The following MDGA2 variants were observed in gnomAD, a reference collection of about 807,000 sequenced individuals.
The protein encoded by MDGA2 is MAM domain-containing glycosylphosphatidylinositol anchor protein 2.
A neutral mutation model predicts 117.8 loss-of-function variants in MDGA2; 40 were observed. The ratio of observed to expected loss-of-function variants is 0.34; its 90% CI spans 0.26 to 0.44. The LOEUF (loss-of-function observed/expected upper bound fraction) is 0.44, where lower values mean the gene tolerates loss of function less well. Ranked by LOEUF, MDGA2 falls within the 20% of genes least tolerant of loss-of-function variation. The pLI is 1.00. For synonymous variants in MDGA2, 452 were observed against 439.0 expected (o/e 1.03, Z -0.37); for missense variants, 1,123 against 1,250.6 (o/e 0.90, Z 1.54).
intron 2 of MDGA2, among the ~76,000 whole-genome samples, chr14:47,255,404 A>G (rs1191349473): frequency 6.6e-6 from 1 of 152,138 alleles, no homozygotes; most frequent in African/African-American, 2.4e-5. Flanking sequence ...AGGTGCTTTT[A>G]TGTAAGATAT....
chr14:47,255,247 A>T (rs1238047754), intron 2 of MDGA2, among the ~76,000 whole-genome samples: 1 of 152,222 alleles, frequency 6.6e-6, no homozygotes, highest in African/African-American at 2.4e-5. Context: ...ATTTTAGGCA[A>T]AGCGTGGTAG....
intron 7 of MDGA2, among the ~76,000 whole-genome samples, chr14:47,045,037 C>T (rs1889207491): frequency 6.6e-6 from 1 of 152,190 alleles, no homozygotes; most frequent in Non-Finnish European, 1.5e-5. Flanking sequence ...ACTTCCCTCA[C>T]CCAGCAGGTG....
chr14:47,462,814 A>C (rs1415299121), intron 1 of MDGA2, among the ~76,000 whole-genome samples: 1 of 152,222 alleles, frequency 6.6e-6, no homozygotes, highest in Non-Finnish European at 1.5e-5. Flanking sequence ...AAACTAAATA[A>C]TTATTTGGAC....
At chr14:46,872,043 A>C (rs1399938706) in intron 14 of MDGA2, 1 of 177,190 alleles carries the variant, frequency 5.6e-6, no homozygotes. Context: ...GCTTGTCAGT[A>C]TACTGTGAAG....
chr14:46,984,479 C>T (rs1886795083), intron 8 of MDGA2, among the ~76,000 whole-genome samples: 1 of 151,790 alleles, frequency 6.6e-6, no homozygotes, highest in Non-Finnish European at 1.5e-5. Context: ...AAAATAGATG[C>T]TTTCTGCTCA....
At chr14:47,448,053 T>C (rs1397091833) in intron 1 of MDGA2, among the ~76,000 whole-genome samples, 1 of 152,140 alleles carries the variant, frequency 6.6e-6, no homozygotes, top group African/African-American at 2.4e-5. Context: ...CCTCTTATTC[T>C]AGTGAGATGG....
chr14:47,231,569 C>T (rs1407856572), intron 2 of MDGA2, among the ~76,000 whole-genome samples: 2 of 152,012 alleles, frequency 1.3e-5, no homozygotes, highest in East Asian at 3.9e-4. Context: ...TTAAATTTTA[C>T]TCAGCCATTG....
intron 2 of MDGA2, among the ~76,000 whole-genome samples, chr14:47,248,678 A>C (rs2139632800): frequency 6.6e-6 from 1 of 152,302 alleles, no homozygotes; most frequent in African/African-American, 2.4e-5. Context: ...TTTTTAATAT[A>C]ATTTCTGAGC....
At chr14:46,901,865 A>G (rs1446139534) in intron 10 of MDGA2, among the ~76,000 whole-genome samples, 3 of 152,220 alleles carry the variant, frequency 2.0e-5, no homozygotes, top group Non-Finnish European at 4.4e-5. Flanking sequence ...CAAGTCTGAA[A>G]GTAAACTCAA....
intron 2 of MDGA2, among the ~76,000 whole-genome samples, chr14:47,229,521 A>T (rs1264053851): frequency 6.6e-6 from 1 of 152,100 alleles, no homozygotes; most frequent in Non-Finnish European, 1.5e-5. Flanking sequence ...CATTTTTAAA[A>T]TGTGAAGGCC....
intron 1 of MDGA2, among the ~76,000 whole-genome samples, chr14:47,594,439 C>T (rs1896498183): frequency 6.6e-6 from 1 of 152,184 alleles, no homozygotes; most frequent in Non-Finnish European, 1.5e-5. Context: ...AGCAAAGCTT[C>T]ATGTACAGAT....
chr14:47,128,388 C>G (rs1022729621), intron 5 of MDGA2, among the ~76,000 whole-genome samples: 5 of 151,844 alleles, frequency 3.3e-5, no homozygotes, highest in African/African-American at 9.7e-5. Context: ...TTTTTTTCTT[C>G]CTCATTCCAT....
At chr14:47,263,973 G>A (rs1219055776) in intron 2 of MDGA2, among the ~76,000 whole-genome samples, 2 of 152,202 alleles carry the variant, frequency 1.3e-5, no homozygotes, top group African/African-American at 2.4e-5. Context: ...GTTCCATTTT[G>A]TAACAGGTTT....
intron 1 of MDGA2, among the ~76,000 whole-genome samples, chr14:47,381,002 C>T (rs928511774): frequency 1.3e-5 from 2 of 152,152 alleles, no homozygotes; most frequent in Non-Finnish European, 2.9e-5. Flanking sequence ...CATCAAAAAG[C>T]TTATCCACTA....
chr14:47,253,167 A>G (rs1381176584), intron 2 of MDGA2, among the ~76,000 whole-genome samples: 1 of 152,110 alleles, frequency 6.6e-6, no homozygotes, highest in South Asian at 2.1e-4. Context: ...CAGCCAAACC[A>G]TATCATTCCA....
At chr14:46,949,917 T>C (rs1885308360) in intron 9 of MDGA2, among the ~76,000 whole-genome samples, 1 of 151,848 alleles carries the variant, frequency 6.6e-6, no homozygotes, top group South Asian at 2.1e-4. Flanking sequence ...AAATAGTAGA[T>C]TTTTGATAGC....
chr14:47,561,131 C>T (rs568163196), intron 1 of MDGA2, among the ~76,000 whole-genome samples: 111 of 95,948 alleles, frequency 1.2e-3, no homozygotes, highest in African/African-American at 3.4e-3. Context: ...AGCATGATAC[C>T]TCTATCTTTG....
intron 1 of MDGA2, among the ~76,000 whole-genome samples, chr14:47,446,412 T>C (rs1487103029): frequency 2.0e-5 from 3 of 152,112 alleles, no homozygotes; most frequent in Admixed American, 6.6e-5. Flanking sequence ...TTACAGCTCA[T>C]AAAAGCCTAA....
chr14:47,181,619 T>C (rs1210954559), intron 3 of MDGA2, among the ~76,000 whole-genome samples: 67 of 152,254 alleles, frequency 4.4e-4, no homozygotes, highest in Admixed American at 4.4e-3. Flanking sequence ...AAGGGTTTAC[T>C]ACTTCTCACT....
Sources: allele counts gnomAD v4.1 joint callset (sites outside exome capture counted in the v4.1 genomes callset), GRCh38; gene constraint gnomAD v4.1.1; transcripts MANE v1.5; gene names NCBI Gene and HGNC (gene_info 2026-07-23, HGNC 2026-07-21).